Variants in FTCDNL1 observed in about 807,000 individuals in gnomAD.
The protein encoded by FTCDNL1 is formiminotransferase cyclodeaminase N-terminal like, also known as formiminotransferase N-terminal subdomain-containing protein.
In FTCDNL1, 11 loss-of-function variants were observed where a neutral mutation model predicts 5.9. That is an observed-to-expected ratio of 1.87 (90% CI 1.18 to 3.10). The LOEUF is 3.10. FTCDNL1 is among the 30% of genes most tolerant of loss of function. The probability of loss-of-function intolerance (pLI) is 0.00; values close to 1 mark genes in which losing one functional copy is unlikely to be tolerated. For missense variants in FTCDNL1, 115 were observed against 65.5 expected (o/e 1.76, Z -2.61); for synonymous variants, 58 against 24.8 (o/e 2.34, Z -3.99).
intron 4 of FTCDNL1, chr2:199,819,294 G>A (rs1701538639): frequency 1.3e-5 from 5 of 390,890 alleles, no homozygotes; most frequent in Admixed American, 7.8e-5. Flanking sequence ...CAGGAGCTAC[G>A]AGCATTCTTT....
At chr2:199,814,391 G>A (rs1701225562) in intron 4 of FTCDNL1, among the ~76,000 whole-genome samples, 1 of 152,176 alleles carries the variant, frequency 6.6e-6, no homozygotes, top group Non-Finnish European at 1.5e-5. Context: ...CACCTCAACA[G>A]GACACTGCCT....
chr2:199,841,330 T>C (rs910273436), intron 3 of FTCDNL1, among the ~76,000 whole-genome samples: 8 of 151,656 alleles, frequency 5.3e-5, no homozygotes, highest in Non-Finnish European at 1.2e-4. Context: ...GGGTTTGCAG[T>C]GAGCCGAGAT....
At chr2:199,744,830 G>C in the FTCDNL1 span, among the ~76,000 whole-genome samples, 1 of 152,180 alleles carries the variant, frequency 6.6e-6, no homozygotes, top group Non-Finnish European at 1.5e-5. Flanking sequence ...ACCTTCGTAG[G>C]TGTAAAAGGC....
the FTCDNL1 span, among the ~76,000 whole-genome samples, chr2:199,720,572 C>T: frequency 3.5e-3 from 540 of 152,272 alleles, 3 homozygotes; most frequent in African/African-American, 0.012. Context: ...TCCAGGTAAC[C>T]CTGGCCTGTG....
At chr2:199,798,239 A>C (rs1700267106) in intron 3 of FTCDNL1, among the ~76,000 whole-genome samples, 1 of 152,214 alleles carries the variant, frequency 6.6e-6, no homozygotes, top group Non-Finnish European at 1.5e-5. Context: ...CTGACTCAAC[A>C]CCAGGGCTTG....
At chr2:199,829,818 C>A (rs922494368) in intron 3 of FTCDNL1, among the ~76,000 whole-genome samples, 1 of 152,114 alleles carries the variant, frequency 6.6e-6, no homozygotes, top group African/African-American at 2.4e-5. Flanking sequence ...CTGATGCCAG[C>A]CAAAATGCAG....
chr2:199,709,503 T>G, the FTCDNL1 span, among the ~76,000 whole-genome samples: 1 of 152,080 alleles, frequency 6.6e-6, no homozygotes, highest in Non-Finnish European at 1.5e-5. Context: ...AGAGATAGAT[T>G]GCAGGGAGGG....
chr2:199,774,633 A>C (rs1277153963), intron 3 of FTCDNL1, among the ~76,000 whole-genome samples: 1 of 151,964 alleles, frequency 6.6e-6, no homozygotes, highest in Non-Finnish European at 1.5e-5. Context: ...TAGTGCACCC[A>C]CCCAGGTATC....
intron 4 of FTCDNL1, among the ~76,000 whole-genome samples, chr2:199,814,360 C>T (rs1386974957): frequency 1.3e-5 from 2 of 152,160 alleles, no homozygotes; most frequent in African/African-American, 2.4e-5. Context: ...GAAGTACTCC[C>T]GTGGGTCCAA....
intron 3 of FTCDNL1, among the ~76,000 whole-genome samples, chr2:199,844,808 GTTTAC>G (rs1296399291): frequency 6.6e-6 from 1 of 151,742 alleles, no homozygotes; most frequent in Non-Finnish European, 1.5e-5. Flanking sequence ...TTTTACAATT[GTTTAC>G]TTTAAATTTT....
chr2:199,708,569 T>C, the FTCDNL1 span, among the ~76,000 whole-genome samples: 1 of 152,162 alleles, frequency 6.6e-6, no homozygotes, highest in Non-Finnish European at 1.5e-5. Context: ...ATAAAGCAAA[T>C]TATTTCAAGG....
At chr2:199,679,520 G>A in the FTCDNL1 span, among the ~76,000 whole-genome samples, 1 of 151,772 alleles carries the variant, frequency 6.6e-6, no homozygotes, top group East Asian at 1.9e-4. Flanking sequence ...TTTTTTCCTC[G>A]TTTTTGGGTA....
At chr2:199,745,097 T>C in the FTCDNL1 span, among the ~76,000 whole-genome samples, 1 of 152,256 alleles carries the variant, frequency 6.6e-6, no homozygotes, top group Non-Finnish European at 1.5e-5. Context: ...TGTCAGTCTA[T>C]GGCTTTGCCT....
the FTCDNL1 span, among the ~76,000 whole-genome samples, chr2:199,704,772 G>C: frequency 6.6e-6 from 1 of 151,922 alleles, no homozygotes; most frequent in African/African-American, 2.4e-5. Context: ...AAAGAAAGCA[G>C]CCACACTTTG....
At chr2:199,770,467 A>T (rs1698755272) in intron 3 of FTCDNL1, among the ~76,000 whole-genome samples, 1 of 152,178 alleles carries the variant, frequency 6.6e-6, no homozygotes, top group East Asian at 1.9e-4. Flanking sequence ...CTCTGATACC[A>T]GTTTTATGTA....
At chr2:199,666,378 C>G in the FTCDNL1 span, among the ~76,000 whole-genome samples, 1 of 152,114 alleles carries the variant, frequency 6.6e-6, no homozygotes, top group African/African-American at 2.4e-5. Flanking sequence ...ATTCTAGACC[C>G]AACTGTATAC....
chr2:199,738,333 T>C, the FTCDNL1 span, among the ~76,000 whole-genome samples: 7 of 152,174 alleles, frequency 4.6e-5, no homozygotes, highest in African/African-American at 1.7e-4. Context: ...CTAGGCATGA[T>C]AGACAGGAAA....
At chr2:199,707,826 C>T in the FTCDNL1 span, among the ~76,000 whole-genome samples, 1 of 152,020 alleles carries the variant, frequency 6.6e-6, no homozygotes, top group African/African-American at 2.4e-5. Context: ...TGTCTTTGTT[C>T]ATCTATACAC....
intron 3 of FTCDNL1, among the ~76,000 whole-genome samples, chr2:199,771,834 C>A (rs1449375385): frequency 6.6e-6 from 1 of 152,152 alleles, no homozygotes; most frequent in African/African-American, 2.4e-5. Flanking sequence ...CTACTTCCCC[C>A]CTTATCCATG....
Sources: allele counts gnomAD v4.1 joint callset (sites outside exome capture counted in the v4.1 genomes callset), GRCh38; gene constraint gnomAD v4.1.1; transcripts MANE v1.5; gene names NCBI Gene and HGNC (gene_info 2026-07-23, HGNC 2026-07-21).